MSRA: variants seen among roughly 807,000 people sequenced by gnomAD.
The protein encoded by MSRA is methionine sulfoxide reductase A.
Under a neutral mutation model 31.3 loss-of-function variants are expected in MSRA, and 54 were observed. The observed-to-expected ratio is 1.73, with a 90% CI of 1.39 to 2.17. The LOEUF (loss-of-function observed/expected upper bound fraction) is 2.17, where lower values mean the gene tolerates loss of function less well. Ranked by LOEUF, MSRA falls within the 30% of genes most tolerant of loss-of-function variation. The pLI, the probability that MSRA is intolerant of heterozygous loss-of-function variation, is 0.00. For synonymous variants in MSRA, 169 were observed against 116.5 expected, an observed-to-expected ratio of 1.45 and a Z score of -2.90; for missense variants, 507 against 300.9, an observed-to-expected ratio of 1.69 and a Z score of -5.07.
chr8:10,227,443 A>G (rs1811096418), intron 2 of MSRA, among the ~76,000 whole-genome samples: 2 of 152,154 alleles, frequency 1.3e-5, no homozygotes, highest in South Asian at 4.1e-4. Flanking sequence ...TGTTTGCTGT[A>G]ATATGAAAGG....
At chr8:10,157,826 C>G (rs1351629477) in intron 1 of MSRA, among the ~76,000 whole-genome samples, 1 of 152,068 alleles carries the variant, frequency 6.6e-6, no homozygotes, top group African/African-American at 2.4e-5. Context: ...CTTCCCTTCC[C>G]TCTCTCCATC....
At chr8:10,246,428 A>G (rs949734228) in intron 3 of MSRA, among the ~76,000 whole-genome samples, 26 of 152,358 alleles carry the variant, frequency 1.7e-4, no homozygotes, top group South Asian at 4.1e-4. Flanking sequence ...AAAAAATTAT[A>G]TTCACCATTT....
At chr8:10,261,465 A>T (rs1430503649) in intron 3 of MSRA, among the ~76,000 whole-genome samples, 1 of 151,454 alleles carries the variant, frequency 6.6e-6, no homozygotes, top group African/African-American at 2.4e-5. Flanking sequence ...GGAGGCTGAG[A>T]TGGGAGGATT....
At chr8:10,065,062 C>G (rs1001295484) in intron 1 of MSRA, among the ~76,000 whole-genome samples, 2 of 152,076 alleles carry the variant, frequency 1.3e-5, no homozygotes, top group African/African-American at 4.8e-5. Context: ...TTACCTCTTC[C>G]TGAGAGGCAG....
intron 1 of MSRA, among the ~76,000 whole-genome samples, chr8:10,110,707 G>A (rs1370029959): frequency 2.0e-5 from 3 of 152,172 alleles, no homozygotes; most frequent in Non-Finnish European, 2.9e-5. Flanking sequence ...CTCCCAGGCT[G>A]GCTGACCTGT....
intron 5 of MSRA, among the ~76,000 whole-genome samples, chr8:10,329,739 G>A (rs963937779): frequency 5.3e-5 from 8 of 151,778 alleles, no homozygotes; most frequent in Non-Finnish European, 1.2e-4. Context: ...TTGTTCACTA[G>A]GTGGGAGCGC....
chr8:10,288,189 A>G (rs1339349543), intron 3 of MSRA, among the ~76,000 whole-genome samples: 1 of 152,212 alleles, frequency 6.6e-6, no homozygotes, highest in Non-Finnish European at 1.5e-5. Context: ...TAAAAAAATT[A>G]TAGTCGCCCT....
intron 1 of MSRA, among the ~76,000 whole-genome samples, chr8:10,157,230 G>T (rs1006296140): frequency 6.6e-6 from 1 of 152,006 alleles, no homozygotes; most frequent in Non-Finnish European, 1.5e-5. Flanking sequence ...TAAAGATCTC[G>T]TTAACACTCC....
intron 3 of MSRA, among the ~76,000 whole-genome samples, chr8:10,256,879 C>A (rs1025147063): frequency 6.6e-6 from 1 of 152,158 alleles, no homozygotes; most frequent in South Asian, 2.1e-4. Flanking sequence ...CTCCTGCCCT[C>A]CTTCTCCTGC....
intron 1 of MSRA, among the ~76,000 whole-genome samples, chr8:10,093,643 G>A (rs1331276677): frequency 6.6e-6 from 1 of 152,100 alleles, no homozygotes; most frequent in Non-Finnish European, 1.5e-5. Flanking sequence ...ATTAAACTAT[G>A]TTACATTTAT....
intron 5 of MSRA, among the ~76,000 whole-genome samples, chr8:10,408,472 C>A (rs184175065): frequency 2.6e-4 from 39 of 152,226 alleles, no homozygotes; most frequent in African/African-American, 8.7e-4. Context: ...AACCCAGAAT[C>A]AAGCCTGCAG....
intron 1 of MSRA, among the ~76,000 whole-genome samples, chr8:10,151,648 T>A (rs1401099159): frequency 1.3e-5 from 2 of 152,080 alleles, no homozygotes; most frequent in Admixed American, 1.3e-4. Context: ...AGACTGTGTC[T>A]CAAAAACAAA....
intron 1 of MSRA, among the ~76,000 whole-genome samples, chr8:10,174,638 G>T (rs1011490795): frequency 2.6e-5 from 4 of 151,874 alleles, no homozygotes; most frequent in African/African-American, 7.3e-5. Flanking sequence ...CACCCCTCTG[G>T]AGCAGACTCC....
In MSRA at chr8:10,141,981, G is replaced by A. The variant is rs146186376; in HGVS notation, c.143-65852G>A. The stretch of plus-strand genomic sequence containing the variant: ...TTTTTTTGTTTGTTTGTTTGGAGAT[G>A]GAGTTTCGCACTTGTTTCCCAGTCT... On this transcript the variant is annotated intron_variant, in intron 1 of 5. Coordinates refer to ENST00000317173, the MANE Select transcript of MSRA (RefSeq NM_012331.5). 1.7e-3 allele frequency among the ~76,000 whole-genome samples: 265 copies of A among 152,238 alleles called. 1 individual carries two copies. Among genetic ancestry groups the A allele is most frequent in the African/African-American group, 6.3e-3 (261 of 41,548 alleles).
intron 1 of MSRA, among the ~76,000 whole-genome samples, chr8:10,055,228 G>C (rs1201221440): frequency 1.3e-5 from 2 of 152,310 alleles, no homozygotes; most frequent in East Asian, 3.9e-4. Flanking sequence ...CCAGGGGCAG[G>C]GGCTGCCGTA....
intron 1 of MSRA, among the ~76,000 whole-genome samples, chr8:10,085,519 T>A (rs1263277896): frequency 6.6e-6 from 1 of 152,224 alleles, no homozygotes; most frequent in Non-Finnish European, 1.5e-5. Flanking sequence ...GTCTTAGTCA[T>A]CTCAATAGCC....
intron 1 of MSRA, among the ~76,000 whole-genome samples, chr8:10,079,285 C>T (rs192749744): frequency 1.3e-5 from 2 of 152,080 alleles, no homozygotes; most frequent in African/African-American, 2.4e-5. Flanking sequence ...CAGCCTCCCA[C>T]ATAGCTGGGA....
At chr8:10,359,644 G>A (rs545065329) in intron 5 of MSRA, among the ~76,000 whole-genome samples, 1 of 152,166 alleles carries the variant, frequency 6.6e-6, no homozygotes, top group East Asian at 1.9e-4. Flanking sequence ...GCCACAGAGA[G>A]GCTCCTTCTT....
intron 5 of MSRA, among the ~76,000 whole-genome samples, chr8:10,328,835 G>T (rs1802528400): frequency 6.6e-6 from 1 of 152,152 alleles, no homozygotes; most frequent in South Asian, 2.1e-4. Context: ...TTACTGTTGT[G>T]CAGTGAACCT....
Sources: allele counts gnomAD v4.1 joint callset (sites outside exome capture counted in the v4.1 genomes callset), GRCh38; gene constraint gnomAD v4.1.1; transcripts MANE v1.5; gene names NCBI Gene and HGNC (gene_info 2026-07-23, HGNC 2026-07-21).